Variants in ARMH4 observed in about 807,000 individuals in gnomAD.
ARMH4 encodes the protein armadillo like helical domain containing 4.
A neutral mutation model predicts 61.9 loss-of-function variants in ARMH4; 49 were observed. The observed-to-expected ratio is 0.79, with a 90% CI of 0.63 to 1.00. ARMH4 has a LOEUF of 1.00. Among genes scored for constraint, ARMH4 ranks in the 50% least tolerant of loss-of-function variants. ARMH4 has a pLI of 0.00. For synonymous variants in ARMH4, 368 were observed against 341.5 expected (o/e 1.08, Z -0.85); for missense variants, 934 against 930.0 (o/e 1.00, Z -0.06).
At chr14:58,121,955 C>G (rs1352310081) in intron 4 of ARMH4, among the ~76,000 whole-genome samples, 1 of 152,094 alleles carries the variant, frequency 6.6e-6, no homozygotes, top group East Asian at 1.9e-4. Flanking sequence ...GAGAAAGACC[C>G]AGCATTGAGT....
chr14:58,113,587 T>G (rs1594764917), intron 4 of ARMH4, among the ~76,000 whole-genome samples: 1 of 152,054 alleles, frequency 6.6e-6, no homozygotes, highest in East Asian at 1.9e-4. Flanking sequence ...CCCTCTGTTA[T>G]CTCCGTATCT....
Position 58,131,535 on chromosome 14 carries a change from C to A in ARMH4, c.1808G>T (p.Gly603Val). Residue 603 changes from glycine (G) to valine (V), a missense_variant, in exon 4 of 8, where the codon GGC becomes GTC. Transcript: ENST00000267485. ...ITRVNTAASY[G>V]LDQLESEEGQ... Reference sequence around the variant, plus strand: ...ACCTTCAGATTCAAGTTGGTCCAGGCCATATGAGGCAGCTGTATTAACACG... The same window carrying A: ...ACCTTCAGATTCAAGTTGGTCCAGGACATATGAGGCAGCTGTATTAACACG... The A allele has an allele frequency of 6.2e-7, 1 of 1,614,082 alleles. No homozygotes were observed. Among genetic ancestry groups the A allele is most frequent in the Non-Finnish European group, 8.5e-7 (1 of 1,179,958 alleles).
intron 5 of ARMH4, among the ~76,000 whole-genome samples, chr14:58,056,487 G>A (rs956902908): frequency 6.6e-6 from 1 of 152,208 alleles, no homozygotes; most frequent in Non-Finnish European, 1.5e-5. Flanking sequence ...CCCATGAGAT[G>A]CACAGTGAAG....
At chr14:58,068,549 C>T (rs79487534) in intron 5 of ARMH4, among the ~76,000 whole-genome samples, 2,814 of 152,196 alleles carry the variant, frequency 0.018, 98 homozygotes, top group African/African-American at 0.064. Flanking sequence ...TTTAGGAACA[C>T]AGAAGTGGAT....
chr14:58,107,250 G>A (rs914556170), intron 4 of ARMH4, among the ~76,000 whole-genome samples: 4 of 152,072 alleles, frequency 2.6e-5, no homozygotes, highest in Admixed American at 2.0e-4. Flanking sequence ...CAACAATGAC[G>A]GCAGGAAGAT....
At chr14:58,056,761 T>C (rs1351930583) in intron 5 of ARMH4, among the ~76,000 whole-genome samples, 1 of 152,190 alleles carries the variant, frequency 6.6e-6, no homozygotes, top group African/African-American at 2.4e-5. Flanking sequence ...AGCTTGCTAG[T>C]TGTCCATTGA....
chr14:58,151,565 G>C (rs1887922615), intron 1 of ARMH4, among the ~76,000 whole-genome samples: 1 of 152,192 alleles, frequency 6.6e-6, no homozygotes, highest in Non-Finnish European at 1.5e-5. Context: ...AAAGTGGCAG[G>C]ACATATTTCG....
chr14:58,022,216 G>A (rs1358398399), intron 5 of ARMH4, among the ~76,000 whole-genome samples: 5 of 151,840 alleles, frequency 3.3e-5, no homozygotes, highest in South Asian at 2.1e-4. Context: ...ACAGCATAAC[G>A]TCTTCAACTC....
At chr14:58,079,374 G>A (rs1455513235) in intron 5 of ARMH4, among the ~76,000 whole-genome samples, 1 of 152,178 alleles carries the variant, frequency 6.6e-6, no homozygotes, top group East Asian at 1.9e-4. Context: ...ATACAATACT[G>A]AAAAGAAAAG....
At chr14:58,030,935 T>C (rs974881162) in intron 5 of ARMH4, among the ~76,000 whole-genome samples, 1 of 152,210 alleles carries the variant, frequency 6.6e-6, no homozygotes, top group Admixed American at 6.5e-5. Context: ...ACTATGAACA[T>C]GGATGTACAA....
intron 5 of ARMH4, among the ~76,000 whole-genome samples, chr14:58,074,235 C>T (rs1484973024): frequency 2.6e-5 from 4 of 152,314 alleles, no homozygotes; most frequent in Non-Finnish European, 5.9e-5. Flanking sequence ...GATGATTTCA[C>T]TGGTTTTTGT....
chr14:58,024,601 C>A (rs531085776), intron 5 of ARMH4, among the ~76,000 whole-genome samples: 1 of 152,120 alleles, frequency 6.6e-6, no homozygotes, highest in East Asian at 1.9e-4. Context: ...TTTTCCTTTA[C>A]ATTCACAACT....
intron 4 of ARMH4, among the ~76,000 whole-genome samples, chr14:58,126,755 T>A (rs371484817): frequency 2.6e-5 from 4 of 151,108 alleles, no homozygotes; most frequent in Non-Finnish European, 4.4e-5. Context: ...TTTTGTATTT[T>A]AAAAAATTAA....
At chr14:58,134,009 A>G (rs1044924036) in intron 2 of ARMH4, among the ~76,000 whole-genome samples, 3 of 152,242 alleles carry the variant, frequency 2.0e-5, no homozygotes, top group Non-Finnish European at 4.4e-5. Context: ...ATTACTTCAC[A>G]TATGTGGGCC....
chr14:58,026,543 C>T (rs1003301575), intron 5 of ARMH4, among the ~76,000 whole-genome samples: 2 of 152,024 alleles, frequency 1.3e-5, no homozygotes, highest in African/African-American at 2.4e-5. Context: ...GGCCTTCATA[C>T]TTTATTTTTA....
At chr14:58,132,514 G>T (rs926087865) in intron 3 of ARMH4, among the ~76,000 whole-genome samples, 1 of 150,690 alleles carries the variant, frequency 6.6e-6, no homozygotes, top group Non-Finnish European at 1.5e-5. Flanking sequence ...CTTCTCAGGG[G>T]GTCTGGCCTT....
At chr14:58,023,170 G>A (rs1411150377) in intron 5 of ARMH4, among the ~76,000 whole-genome samples, 2 of 152,118 alleles carry the variant, frequency 1.3e-5, no homozygotes, top group Non-Finnish European at 2.9e-5. Context: ...TTGCTGCATT[G>A]AATGAGTCTT....
At chr14:58,097,781 C>T (rs560586198) in intron 4 of ARMH4, among the ~76,000 whole-genome samples, 3 of 151,754 alleles carry the variant, frequency 2.0e-5, no homozygotes, top group Non-Finnish European at 4.4e-5. Context: ...TCATGGTTCA[C>T]CACAGTCTCA....
At chr14:58,073,028 G>A (rs1328984350) in intron 5 of ARMH4, among the ~76,000 whole-genome samples, 1 of 152,122 alleles carries the variant, frequency 6.6e-6, no homozygotes, top group Non-Finnish European at 1.5e-5. Context: ...GCTCAAATAA[G>A]CAGAAGGGAC....
Sources: gnomAD v4.1 joint callset for allele counts (sites outside exome capture counted in the v4.1 genomes callset) on GRCh38, gnomAD v4.1.1 for gene constraint, MANE v1.5 for transcripts, NCBI Gene and HGNC (gene_info 2026-07-23, HGNC 2026-07-21) for gene names.